Variants in DYNC1I1 observed in about 807,000 individuals in gnomAD.
DYNC1I1 encodes the protein dynein cytoplasmic 1 intermediate chain 1, also known as cytoplasmic dynein 1 intermediate chain 1.
In DYNC1I1, 43 loss-of-function variants were observed where a neutral mutation model predicts 86.6. That is an observed-to-expected ratio of 0.50 (90% CI 0.39 to 0.64). The LOEUF (loss-of-function observed/expected upper bound fraction) is 0.64. Ranked by LOEUF, DYNC1I1 falls within the 30% of genes least tolerant of loss-of-function variation. The pLI is 0.00. For synonymous variants in DYNC1I1, 262 were observed against 283.7 expected (o/e 0.92, Z 0.77); for missense variants, 604 against 788.8 (o/e 0.77, Z 2.81).
intron 15 of DYNC1I1, among the ~76,000 whole-genome samples, chr7:96,077,708 T>A (rs952504753): frequency 2.0e-5 from 3 of 152,146 alleles, no homozygotes; most frequent in Non-Finnish European, 2.9e-5. Context: ...TCCAGCTTAG[T>A]TGAGATGTTT....
At chr7:95,972,609 T>C (rs1330895543) in intron 6 of DYNC1I1, among the ~76,000 whole-genome samples, 1 of 152,138 alleles carries the variant, frequency 6.6e-6, no homozygotes, top group Non-Finnish European at 1.5e-5. Flanking sequence ...TGCCAAACAC[T>C]GACAAATGTT....
chr7:95,965,081 G>A (rs925645496), intron 6 of DYNC1I1, among the ~76,000 whole-genome samples: 1 of 152,192 alleles, frequency 6.6e-6, no homozygotes, highest in Admixed American at 6.5e-5. Context: ...CAGTAGATGA[G>A]AGGATGGCTA....
At chr7:96,060,843 C>T (rs749578582) in intron 14 of DYNC1I1, among the ~76,000 whole-genome samples, 1 of 151,810 alleles carries the variant, frequency 6.6e-6, no homozygotes, top group Non-Finnish European at 1.5e-5. Flanking sequence ...ATGCAAAACT[C>T]AATGACGCTT....
At chr7:95,841,287 A>T (rs1026433705) in intron 5 of DYNC1I1, among the ~76,000 whole-genome samples, 8 of 152,092 alleles carry the variant, frequency 5.3e-5, no homozygotes, top group Non-Finnish European at 7.4e-5. Context: ...ATTCATTTAA[A>T]CTCCCAGTGA....
intron 5 of DYNC1I1, among the ~76,000 whole-genome samples, chr7:95,834,718 G>A (rs1789025609): frequency 9.4e-6 from 1 of 106,366 alleles, no homozygotes; most frequent in Non-Finnish European, 1.9e-5. Context: ...ATGTGTCGAG[G>A]AATTTATCCA....
At chr7:95,784,022 G>C (rs1190668467) in intron 1 of DYNC1I1, among the ~76,000 whole-genome samples, 1 of 152,136 alleles carries the variant, frequency 6.6e-6, no homozygotes, top group Non-Finnish European at 1.5e-5. Flanking sequence ...TTGACTTCCT[G>C]AAATGTACCA....
At chr7:95,926,233 G>A (rs541453514) in intron 6 of DYNC1I1, among the ~76,000 whole-genome samples, 4 of 152,262 alleles carry the variant, frequency 2.6e-5, no homozygotes, top group Non-Finnish European at 5.9e-5. Context: ...CTGTAAGAAT[G>A]CTCATTGCAG....
rs1272364801 is a variant in DYNC1I1 at position 96,048,830 on chromosome 7, A to T, written c.1509+9409A>T. On this transcript the variant is annotated intron_variant, in intron 14 of 16. Transcript: ENST00000447467. ...GGTTTGTACGGTGAATGTATTTGAA[A>T]CCCCAAATTAATTCTAACCCTTTAT... Among the ~76,000 whole-genome samples the T allele has an allele frequency of 5.3e-5, 8 of 151,974 alleles. No individual in the cohort carries two copies. The East Asian group carries it at 1.5e-3, about 29-fold the overall frequency.
intron 3 of DYNC1I1, 89 bp downstream of exon 3, chr7:95,810,595 T>C: frequency 1.0e-5 from 11 of 1,085,762 alleles, no homozygotes; most frequent in Non-Finnish European, 1.4e-5. Flanking sequence ...TTTAAGTCTT[T>C]AGTTTTTTTT....
At chr7:95,917,134 A>G (rs1215384787) in intron 6 of DYNC1I1, among the ~76,000 whole-genome samples, 2 of 152,096 alleles carry the variant, frequency 1.3e-5, no homozygotes, top group Admixed American at 6.5e-5. Context: ...TTACACTTTC[A>G]CTTTCCAACC....
chr7:96,050,968 C>T (rs550913541), intron 14 of DYNC1I1, among the ~76,000 whole-genome samples: 2 of 152,134 alleles, frequency 1.3e-5, no homozygotes, highest in African/African-American at 2.4e-5. Flanking sequence ...TATCTTAGCA[C>T]ATTAAATTTC....
intron 6 of DYNC1I1, among the ~76,000 whole-genome samples, chr7:95,908,845 TA>T (rs1160512748): frequency 3.3e-5 from 5 of 152,218 alleles, no homozygotes; most frequent in African/African-American, 1.2e-4. Flanking sequence ...AGAGTCATAG[TA>T]AAATGTACCT....
chr7:96,085,131 C>T (rs923441736), intron 16 of DYNC1I1, among the ~76,000 whole-genome samples: 2 of 152,186 alleles, frequency 1.3e-5, no homozygotes, highest in East Asian at 3.9e-4. Context: ...TCTGCCTCAT[C>T]TCCTGTCCCA....
chr7:95,820,646 T>C (rs1228901789), intron 4 of DYNC1I1, among the ~76,000 whole-genome samples: 1 of 152,360 alleles, frequency 6.6e-6, no homozygotes, highest in South Asian at 2.1e-4. Context: ...GTGCAGTTGC[T>C]TCAGGGACTA....
chr7:96,061,280 C>T (rs542240770), intron 14 of DYNC1I1, among the ~76,000 whole-genome samples: 1 of 152,126 alleles, frequency 6.6e-6, no homozygotes, highest in African/African-American at 2.4e-5. Context: ...GTATTCATAG[C>T]CCTGGACTGT....
chr7:95,942,126 A>T (rs1201959953), intron 6 of DYNC1I1, among the ~76,000 whole-genome samples: 2 of 152,200 alleles, frequency 1.3e-5, no homozygotes, highest in Non-Finnish European at 2.9e-5. Flanking sequence ...GACCGCTAGC[A>T]AGACTAATAA....
chr7:96,018,002 A>G (rs1794442930), intron 10 of DYNC1I1, among the ~76,000 whole-genome samples: 1 of 152,142 alleles, frequency 6.6e-6, no homozygotes, highest in Non-Finnish European at 1.5e-5. Flanking sequence ...TATCACCACA[A>G]TTGGTACTAA....
intron 16 of DYNC1I1, among the ~76,000 whole-genome samples, chr7:96,088,801 G>A (rs1036162749): frequency 6.6e-6 from 1 of 152,092 alleles, no homozygotes; most frequent in Non-Finnish European, 1.5e-5. Context: ...CTTGAAAAGC[G>A]AGGAAGTGAA....
chr7:95,832,237 T>A (rs1421762356), intron 5 of DYNC1I1, among the ~76,000 whole-genome samples: 1 of 131,328 alleles, frequency 7.6e-6, no homozygotes. Context: ...TTTGTTCTTG[T>A]GATAGTTTAC....
Sources: gnomAD v4.1 joint callset for allele counts (sites outside exome capture counted in the v4.1 genomes callset) on GRCh38, gnomAD v4.1.1 for gene constraint, MANE v1.5 for transcripts, NCBI Gene and HGNC (gene_info 2026-07-23, HGNC 2026-07-21) for gene names.